Variants in GABRR2 observed in about 807,000 individuals in gnomAD.
GABRR2 encodes gamma-aminobutyric acid type A receptor subunit rho2.
GABRR2 carries 36 observed loss-of-function variants against 47.0 expected under a neutral mutation model. That is an observed-to-expected ratio of 0.77 (90% CI 0.59 to 1.01). The LOEUF (loss-of-function observed/expected upper bound fraction) is 1.01, where lower values mean the gene tolerates loss of function less well. GABRR2 is among the 50% of genes least tolerant of loss of function. GABRR2 has a pLI of 0.00. For synonymous variants in GABRR2, 204 were observed against 227.5 expected (o/e 0.90, Z 0.93); for missense variants, 587 against 594.6 (o/e 0.99, Z 0.13).
At chr6:89,278,353 T>C (rs1270587485) in intron 2 of GABRR2, among the ~76,000 whole-genome samples, 1 of 152,248 alleles carries the variant, frequency 6.6e-6, no homozygotes, top group East Asian at 1.9e-4. Context: ...ATCTGAATGA[T>C]GGTTCACCTG....
intron 8 of GABRR2, among the ~76,000 whole-genome samples, chr6:89,261,943 G>T (rs1292457119): frequency 1.3e-5 from 2 of 151,850 alleles, no homozygotes; most frequent in Non-Finnish European, 2.9e-5. Flanking sequence ...GGAGGCTGAA[G>T]TGGGAGGACA....
At chr6:89,279,159 G>A (rs893962279) in intron 2 of GABRR2, among the ~76,000 whole-genome samples, 11 of 152,124 alleles carry the variant, frequency 7.2e-5, no homozygotes, top group African/African-American at 2.2e-4. Context: ...TCAGATCCCC[G>A]GCCTGGCCCT....
chr6:89,260,033 G>A (rs938697223), intron 8 of GABRR2, among the ~76,000 whole-genome samples: 7 of 151,488 alleles, frequency 4.6e-5, no homozygotes, highest in Non-Finnish European at 7.4e-5. Flanking sequence ...TCAACCTCCC[G>A]AGTAGCTGGG....
chr6:89,306,373 A>G (rs547322749), intron 1 of GABRR2, among the ~76,000 whole-genome samples: 1 of 152,312 alleles, frequency 6.6e-6, no homozygotes, highest in East Asian at 1.9e-4. Flanking sequence ...AAAAAAAAAA[A>G]ATTCTCGTGA....
chr6:89,299,922 T>C (rs1774637808), intron 1 of GABRR2, 57 bp from the exon 2 acceptor site: 2 of 1,127,662 alleles, frequency 1.8e-6, no homozygotes, highest in Non-Finnish European at 2.7e-6. Flanking sequence ...TTGAGTGAGA[T>C]GATTTGGGCT....
At chr6:89,278,795 G>A (rs1218027281) in intron 2 of GABRR2, among the ~76,000 whole-genome samples, 2 of 152,216 alleles carry the variant, frequency 1.3e-5, no homozygotes, top group Non-Finnish European at 2.9e-5. Context: ...AGTGTGGGGC[G>A]GGGAGGTTGG....
Position 89,303,046 on chromosome 6 carries a change from A to G in GABRR2, c.114-3181T>C, listed in dbSNP as rs1767484653. 60 of 1,044,550 alleles carry G rather than the reference A, an allele frequency of 5.7e-5. 1 individual carries two copies. The South Asian group carries it at 7.3e-4, about 13-fold the overall frequency. 64.7% of individuals were successfully genotyped at this position (1,044,550 alleles called of 1,614,324 possible). ...CGAGTACCAGCAGTACCAGGACTCC[A>G]TGGCCCAGGAGGAGGGTGAGATGTT... is the stretch of plus-strand genomic sequence containing the variant. On this transcript the variant is annotated intron_variant, in intron 1 of 8. Transcript: ENST00000402938.
At chr6:89,300,885 A>G (rs1488754832) in intron 1 of GABRR2, among the ~76,000 whole-genome samples, 2 of 152,076 alleles carry the variant, frequency 1.3e-5, no homozygotes, top group African/African-American at 4.8e-5. Context: ...AGTTCATTCT[A>G]TGAGGCCAGC....
chr6:89,312,869 A>G (rs1289513684), intron 1 of GABRR2, among the ~76,000 whole-genome samples: 1 of 152,012 alleles, frequency 6.6e-6, no homozygotes, highest in Non-Finnish European at 1.5e-5. Context: ...CCACTTTAAC[A>G]CCTCATGGGC....
Position 89,267,757 on chromosome 6 carries a change from C to T in GABRR2, c.658G>A (p.Asp220Asn). The part of the protein sequence containing the change: ...WKNGDESLKT[D>N]EKISLSQFLI... ...AACTGAGACAAGGAGATCTTCTCAT[C>T]TGTTTTTAGGGATTCATCCCCATTC... The change falls in exon 6 of 9, where the codon GAT becomes AAT. Residue 220 changes from aspartate (D) to asparagine (N), a missense_variant. Asp to Asn is a conservative substitution (Grantham distance 23, BLOSUM62 1). Coordinates refer to ENST00000402938, the MANE Select transcript of GABRR2 (RefSeq NM_002043.5). 6.2e-7 allele frequency: 1 copy of T among 1,613,888 alleles called. No individual in the cohort carries two copies. The highest frequency in any genetic ancestry group is 8.5e-7 in the Non-Finnish European group (1 of 1,179,790).
At chr6:89,302,143 G>T (rs1347173085) in intron 1 of GABRR2, 4 of 591,900 alleles carry the variant, frequency 6.8e-6, no homozygotes, top group Non-Finnish European at 1.3e-5. Context: ...ATGTGCGGAA[G>T]AAGTGTGAGA....
At chr6:89,288,328 A>G (rs1774368168) in intron 2 of GABRR2, among the ~76,000 whole-genome samples, 1 of 152,134 alleles carries the variant, frequency 6.6e-6, no homozygotes, top group South Asian at 2.1e-4. Context: ...CAGAGAGTGG[A>G]AAAGGAGGAA....
intron 1 of GABRR2, among the ~76,000 whole-genome samples, chr6:89,314,291 T>C (rs1582470441): frequency 6.6e-6 from 1 of 152,254 alleles, no homozygotes; most frequent in East Asian, 1.9e-4. Context: ...ATGGTGTTTA[T>C]ATCTTAGCTG....
Position 89,299,841 on chromosome 6 carries a change from A to C in GABRR2, c.138T>G (p.Asp46Glu). 6.2e-7 allele frequency: 1 copy of C among 1,613,494 alleles called. No homozygotes were observed. Among genetic ancestry groups the C allele is most frequent in the Admixed American group, 1.7e-5 (1 of 60,028 alleles). ...KPSHLYKKNL[D>E]VTKIRKGKPQ... Reference sequence around the variant, plus strand: ...GCTTTCCCTTCCGGATCTTGGTCACATCAAGGTTCTTCTTATATAAGTGAC... The same window carrying C: ...GCTTTCCCTTCCGGATCTTGGTCACCTCAAGGTTCTTCTTATATAAGTGAC... The change falls in exon 2 of 9, where the codon GAT becomes GAG. Residue 46 changes from aspartate to glutamate, a missense_variant. Physicochemically the swap from Asp to Glu is conservative, Grantham distance 45. Coordinates refer to ENST00000402938, the MANE Select transcript of GABRR2 (RefSeq NM_002043.5).
At chr6:89,314,870 A>G (rs1023332332) in intron 1 of GABRR2, among the ~76,000 whole-genome samples, 183 bp downstream of exon 1, 1 of 152,160 alleles carries the variant, frequency 6.6e-6, no homozygotes, top group Admixed American at 6.5e-5. Flanking sequence ...TCTGCTCTCA[A>G]TGCTTGTGAC....
At chr6:89,294,740 A>G (rs1774527167) in intron 2 of GABRR2, among the ~76,000 whole-genome samples, 1 of 149,614 alleles carries the variant, frequency 6.7e-6, no homozygotes, top group Admixed American at 6.7e-5. Flanking sequence ...TGCTGCACCC[A>G]TTAGCTCGTC....
intron 1 of GABRR2, among the ~76,000 whole-genome samples, chr6:89,310,172 C>T (rs1258459425): frequency 6.6e-6 from 1 of 151,918 alleles, no homozygotes; most frequent in East Asian, 1.9e-4. Flanking sequence ...CACTGTTCCA[C>T]CTAAAAAAAA....
intron 1 of GABRR2, among the ~76,000 whole-genome samples, chr6:89,300,700 G>A (rs1767405538): frequency 7.8e-6 from 1 of 128,828 alleles, no homozygotes; most frequent in South Asian, 2.6e-4. Flanking sequence ...GACCAATAAT[G>A]AGCTCCGAAG....
chr6:89,268,220 G>A (rs1011578796), intron 4 of GABRR2, 124 bp from the exon 5 acceptor site: 7 of 730,696 alleles, frequency 9.6e-6, no homozygotes, highest in Non-Finnish European at 1.7e-5. Flanking sequence ...CAGAAGTTTG[G>A]AAACAGTTAT....
Sources: allele counts gnomAD v4.1 joint callset (sites outside exome capture counted in the v4.1 genomes callset), GRCh38; gene constraint gnomAD v4.1.1; transcripts MANE v1.5; gene names NCBI Gene and HGNC (gene_info 2026-07-23, HGNC 2026-07-21).